Variants in ULK4 observed in about 807,000 individuals in gnomAD.
The protein encoded by ULK4 is unc-51 like kinase 4, also known as inactive serine/threonine-protein kinase ULK4.
A neutral mutation model predicts 160.6 loss-of-function variants in ULK4; 133 were observed. The ratio of observed to expected loss-of-function variants is 0.83; its 90% CI spans 0.72 to 0.96. The LOEUF (loss-of-function observed/expected upper bound fraction) is 0.96, where lower values mean the gene tolerates loss of function less well. Among genes scored for constraint, ULK4 ranks in the 40% least tolerant of loss-of-function variants. ULK4 has a pLI of 0.00. For synonymous variants in ULK4, 534 were observed against 539.8 expected, an observed-to-expected ratio of 0.99 and a Z score of 0.15; for missense variants, 1,580 against 1,499.5, an observed-to-expected ratio of 1.05 and a Z score of -0.89.
chr3:41,438,574 C>A (rs1242866984), intron 34 of ULK4, among the ~76,000 whole-genome samples: 1 of 152,022 alleles, frequency 6.6e-6, no homozygotes, highest in Non-Finnish European at 1.5e-5. Context: ...GAAGTAGCTA[C>A]CAAGAAATAG....
intron 17 of ULK4, among the ~76,000 whole-genome samples, chr3:41,865,804 G>C (rs932206266): frequency 6.6e-6 from 1 of 151,824 alleles, no homozygotes; most frequent in Non-Finnish European, 1.5e-5. Flanking sequence ...TTTTATTGTA[G>C]GTTAAAATAC....
chr3:41,379,992 G>A (rs2081611675), intron 35 of ULK4, among the ~76,000 whole-genome samples: 1 of 152,120 alleles, frequency 6.6e-6, no homozygotes, highest in African/African-American at 2.4e-5. Flanking sequence ...AGAAATTGTT[G>A]GGTAGTTGGC....
intron 22 of ULK4, among the ~76,000 whole-genome samples, chr3:41,733,006 C>T (rs2037885203): frequency 6.6e-6 from 1 of 151,742 alleles, no homozygotes; most frequent in African/African-American, 2.4e-5. Flanking sequence ...AATTACAGTT[C>T]GATAGGGAAA....
intron 35 of ULK4, among the ~76,000 whole-genome samples, chr3:41,390,948 T>C (rs1298124175): frequency 6.6e-6 from 1 of 151,992 alleles, no homozygotes; most frequent in South Asian, 2.1e-4. Flanking sequence ...CTTCCTCCCA[T>C]CCCCCTTCCC....
intron 20 of ULK4, among the ~76,000 whole-genome samples, chr3:41,799,886 G>A (rs529165687): frequency 1.5e-4 from 23 of 152,192 alleles, no homozygotes; most frequent in African/African-American, 5.3e-4. Flanking sequence ...TTATTAATTA[G>A]TTTTTGAAAC....
At chr3:41,566,424 T>C (rs1404317130) in intron 31 of ULK4, among the ~76,000 whole-genome samples, 1 of 152,198 alleles carries the variant, frequency 6.6e-6, no homozygotes, top group Non-Finnish European at 1.5e-5. Flanking sequence ...GACAAAGGAA[T>C]TCAAGTATGT....
At chr3:41,294,923 A>AT (rs2079640096) in intron 35 of ULK4, among the ~76,000 whole-genome samples, 1 of 152,170 alleles carries the variant, frequency 6.6e-6, no homozygotes, top group African/African-American at 2.4e-5. Context: ...ATCCCAGGAG[A>AT]TTATTTTGTG....
Position 41,609,817 on chromosome 3 carries a change from C to T in ULK4, c.3120+5852G>A, listed in dbSNP as rs180692875. On this transcript the variant is annotated intron_variant, in intron 31 of 36. Coordinates refer to ENST00000301831, the MANE Select transcript of ULK4 (RefSeq NM_017886.4). ...CAAGACCCCATCACTACAAACACTACGAAAAAATTAGCCAGGCACAGTGGC... is the reference window on the plus strand; with the variant it reads ...CAAGACCCCATCACTACAAACACTATGAAAAAATTAGCCAGGCACAGTGGC... Among the ~76,000 whole-genome samples, 308 of 151,866 alleles carry T rather than the reference C, an allele frequency of 2.0e-3. 2 individuals carry two copies. The highest frequency in any genetic ancestry group is 3.2e-3 in the Non-Finnish European group (216 of 67,932).
intron 21 of ULK4, among the ~76,000 whole-genome samples, chr3:41,788,480 C>T (rs372780885): frequency 1.3e-5 from 2 of 152,034 alleles, no homozygotes; most frequent in Non-Finnish European, 2.9e-5. Flanking sequence ...TTCAGGAGAT[C>T]GAGACCATCC....
At chr3:41,459,180 T>C (rs1387196956) in intron 33 of ULK4, among the ~76,000 whole-genome samples, 2 of 152,070 alleles carry the variant, frequency 1.3e-5, no homozygotes, top group Non-Finnish European at 2.9e-5. Context: ...GCCTCCCGAG[T>C]AGCTAGGACT....
chr3:41,934,799 C>T (rs537959458), intron 4 of ULK4, among the ~76,000 whole-genome samples: 3 of 151,996 alleles, frequency 2.0e-5, no homozygotes, highest in African/African-American at 7.2e-5. Context: ...CACATATAGC[C>T]AAGAATGCCA....
intron 31 of ULK4, among the ~76,000 whole-genome samples, chr3:41,575,923 C>A (rs1168940599): frequency 6.6e-6 from 1 of 152,234 alleles, no homozygotes; most frequent in African/African-American, 2.4e-5. Context: ...AAGCAGTGGG[C>A]CAGAGCCAAA....
At chr3:41,821,307 G>C (rs956575921) in intron 18 of ULK4, among the ~76,000 whole-genome samples, 1 of 151,948 alleles carries the variant, frequency 6.6e-6, no homozygotes, top group Non-Finnish European at 1.5e-5. Context: ...ACTTACTTGG[G>C]ATCAGCATCC....
chr3:41,498,290 T>C (rs2085063769), intron 32 of ULK4, among the ~76,000 whole-genome samples: 1 of 152,216 alleles, frequency 6.6e-6, no homozygotes, highest in Admixed American at 6.5e-5. Flanking sequence ...AAGGAACATG[T>C]TTCTAAAACA....
intron 35 of ULK4, among the ~76,000 whole-genome samples, chr3:41,340,563 T>C (rs1374239077): frequency 6.6e-6 from 1 of 152,264 alleles, no homozygotes; most frequent in Non-Finnish European, 1.5e-5. Flanking sequence ...ACTAGTCACA[T>C]GTAGCTATTT....
intron 35 of ULK4, among the ~76,000 whole-genome samples, chr3:41,333,332 T>C (rs541220814): frequency 6.6e-5 from 10 of 152,342 alleles, no homozygotes; most frequent in African/African-American, 9.6e-5. Flanking sequence ...CAGTCACTGC[T>C]CATTTCTATC....
Position 41,772,333 on chromosome 3 carries a change from A to G in ULK4, c.2193+17328T>C, listed in dbSNP as rs1359441664. On this transcript the variant is annotated intron_variant, in intron 21 of 36. Coordinates refer to ENST00000301831, the MANE Select transcript of ULK4 (RefSeq NM_017886.4). ...TTGATAGACTGCTAGCAAGACTAAT[A>G]AAGAAGAAAAGAGAGAAGAATCAAA... 4.6e-5 allele frequency among the ~76,000 whole-genome samples: 7 copies of G among 152,258 alleles called. No homozygotes were observed. The East Asian group carries it at 7.7e-4, about 17-fold the overall frequency.
chr3:41,426,919 A>G (rs1401686167), intron 34 of ULK4, among the ~76,000 whole-genome samples: 1 of 152,234 alleles, frequency 6.6e-6, no homozygotes, highest in Non-Finnish European at 1.5e-5. Flanking sequence ...CCAAGATCAG[A>G]GTGGAACTGA....
At chr3:41,373,668 C>G (rs978708719) in intron 35 of ULK4, among the ~76,000 whole-genome samples, 6 of 152,136 alleles carry the variant, frequency 3.9e-5, no homozygotes, top group African/African-American at 1.4e-4. Context: ...GCAATAAATG[C>G]CCACAGGAGA....
Sources: gnomAD v4.1 joint callset for allele counts (sites outside exome capture counted in the v4.1 genomes callset) on GRCh38, gnomAD v4.1.1 for gene constraint, MANE v1.5 for transcripts, NCBI Gene and HGNC (gene_info 2026-07-23, HGNC 2026-07-21) for gene names.